Variants in RAD21 observed in about 807,000 individuals in gnomAD.
RAD21 encodes RAD21 cohesin complex component.
Under a neutral mutation model 71.5 loss-of-function variants are expected in RAD21, and 18 were observed. That is an observed-to-expected ratio of 0.25 (90% CI 0.17 to 0.37). The LOEUF is 0.37. RAD21 is among the 10% of genes least tolerant of loss of function. The pLI, the probability that RAD21 is intolerant of heterozygous loss-of-function variation, is 1.00. For missense variants in RAD21, 493 were observed against 769.1 expected (o/e 0.64, Z 4.25); for synonymous variants, 248 against 254.0 (o/e 0.98, Z 0.22).
chr8:116,855,858 T>C (rs1458263105), intron 8 of RAD21, among the ~76,000 whole-genome samples: 4 of 152,198 alleles, frequency 2.6e-5, no homozygotes, highest in African/African-American at 9.6e-5. Flanking sequence ...CCCAGGAGAC[T>C]AAGATATGCA....
chr8:116,864,619 T>C (rs771132252), intron 2 of RAD21, among the ~76,000 whole-genome samples: 2 of 152,146 alleles, frequency 1.3e-5, no homozygotes, highest in Non-Finnish European at 2.9e-5. Flanking sequence ...ACAGAATCTA[T>C]TTTTATGTGG....
intron 1 of RAD21, among the ~76,000 whole-genome samples, chr8:116,871,580 A>AG (rs1812823062): frequency 6.6e-6 from 1 of 152,206 alleles, no homozygotes; most frequent in Non-Finnish European, 1.5e-5. Context: ...TCCTCTCTGA[A>AG]GGACAATATG....
At chr8:116,866,921 A>C in intron 1 of RAD21, 160 bp from the exon 2 acceptor site, 1 of 453,852 alleles carries the variant, frequency 2.2e-6, no homozygotes, top group South Asian at 7.7e-5. Flanking sequence ...GATTTAAAAC[A>C]AATCTATTGT....
At chr8:116,857,523 T>C (rs1178376581) in intron 5 of RAD21, 50 bp from the exon 6 acceptor site, 6 of 1,463,694 alleles carry the variant, frequency 4.1e-6, no homozygotes, top group African/African-American at 1.4e-5. Flanking sequence ...GAAATAGCAC[T>C]GTGATAAAAG....
chr8:116,851,936 T>TTGC lies in RAD21; in HGVS notation c.1470+9_1470+11dup, dbSNP rs1482240007. The TTGC allele has an allele frequency of 6.2e-7, 1 of 1,601,208 alleles. No individual in the cohort carries two copies. Among genetic ancestry groups the TTGC allele is most frequent in the Non-Finnish European group, 8.5e-7 (1 of 1,170,504 alleles). ...CCTTCAAATGACTTAATGGATAGAT[T>TTGC]TGCTTACTTACAGGCATCACAGGCT... On this transcript the variant is annotated intron_variant, in intron 11 of 13. Transcript: ENST00000297338.
rs1178038788 is a variant in RAD21, at chr8:116,850,460, T to C, written c.1620+158A>G. Reference sequence around the variant, plus strand: ...GCATAAAATTTGATGTTCCTAATGATGATCAATACCACGAAGAATATGGTA... The same window carrying C: ...GCATAAAATTTGATGTTCCTAATGACGATCAATACCACGAAGAATATGGTA... On this transcript the variant is annotated intron_variant, in intron 12 of 13. Transcript: ENST00000297338. Among the ~76,000 whole-genome samples the C allele has an allele frequency of 2.6e-5, 4 of 152,246 alleles. No homozygotes were observed. In the East Asian group the frequency reaches 7.7e-4, roughly 29 times the overall value.
rs1812510651 is a variant in RAD21, at chr8:116,858,147, T to C, written c.481+205A>G. 2.0e-5 allele frequency among the ~76,000 whole-genome samples: 3 copies of C among 152,308 alleles called. No individual in the cohort carries two copies. The South Asian group carries it at 6.2e-4, about 32-fold the overall frequency. ...AATATATAGGTTCTATGATTGCATA[T>C]AGGGAGAGAAGTAGGTAAACAATTA... On this transcript the variant is annotated intron_variant, in intron 5 of 13. Transcript: ENST00000297338.
At chr8:116,865,513 C>T (rs1812671510) in intron 2 of RAD21, among the ~76,000 whole-genome samples, 1 of 152,130 alleles carries the variant, frequency 6.6e-6, no homozygotes. Flanking sequence ...CCAGAACAAA[C>T]TGTTAGTGCA....
intron 1 of RAD21, among the ~76,000 whole-genome samples, chr8:116,871,131 A>C (rs1812814267): frequency 6.6e-6 from 1 of 152,238 alleles, no homozygotes; most frequent in Admixed American, 6.5e-5. Context: ...TATCTGAATA[A>C]GGAGAAAGTG....
At chr8:116,856,075 A>T in intron 8 of RAD21, 91 bp downstream of exon 8, 1 of 1,400,494 alleles carries the variant, frequency 7.1e-7, no homozygotes, top group Non-Finnish European at 9.6e-7. Flanking sequence ...CTAGTTATCT[A>T]ATACAACAGT....
intron 10 of RAD21, 110 bp from the exon 11 acceptor site, chr8:116,852,206 AATG>A: frequency 9.5e-7 from 1 of 1,053,362 alleles, no homozygotes; most frequent in African/African-American, 1.6e-5. Context: ...TGCTTTCTTT[AATG>A]AAGAAGGCCA....
rs370284297 is a variant in RAD21 at position 116,863,078 on chromosome 8, A to T, written c.274+52T>A. On this transcript the variant is annotated intron_variant, in intron 3 of 13. Coordinates refer to ENST00000297338, the MANE Select transcript of RAD21 (RefSeq NM_006265.3). ...TAGCTACAGTAACACAAAAAACATG[A>T]GAAACTCCAAAGTAAACAACAACAA... is the stretch of plus-strand genomic sequence containing the variant. 6.7e-5 allele frequency: 104 copies of T among 1,550,098 alleles called. No homozygotes were observed. The African/African-American group carries it at 1.3e-3, about 19-fold the overall frequency.
chr8:116,858,054 C>CT (rs1226702710), intron 5 of RAD21, among the ~76,000 whole-genome samples: 1 of 152,190 alleles, frequency 6.6e-6, no homozygotes, highest in Non-Finnish European at 1.5e-5. Context: ...AACAGGGAAA[C>CT]TAACTGTTCC....
At chr8:116,870,623 T>C (rs773625675) in intron 1 of RAD21, among the ~76,000 whole-genome samples, 8 of 152,184 alleles carry the variant, frequency 5.3e-5, no homozygotes, top group Non-Finnish European at 1.2e-4. Context: ...TCTAGAGAAC[T>C]TTACAGAAAT....
At chr8:116,848,018 A>T (rs1348799) in intron 13 of RAD21, among the ~76,000 whole-genome samples, 33,202 of 152,056 alleles carry the variant, frequency 0.22, 4,453 homozygotes, top group South Asian at 0.47. Context: ...GCCTTCCACC[A>T]TGACTATAAG....
Position 116,851,936 on chromosome 8 carries a change from T to C in RAD21, c.1470+12A>G. On this transcript the variant is annotated intron_variant, in intron 11 of 13. Coordinates refer to ENST00000297338, the MANE Select transcript of RAD21 (RefSeq NM_006265.3). ...CCTTCAAATGACTTAATGGATAGAT[T>C]TGCTTACTTACAGGCATCACAGGCT... The C allele has an allele frequency of 1.9e-6, 3 of 1,601,208 alleles. No homozygotes were observed. The highest frequency in any genetic ancestry group is 2.6e-6 in the Non-Finnish European group (3 of 1,170,504).
chr8:116,859,526 C>A (rs1395065043), intron 4 of RAD21, among the ~76,000 whole-genome samples: 1 of 152,024 alleles, frequency 6.6e-6, no homozygotes, highest in African/African-American at 2.4e-5. Flanking sequence ...TAGGTGTGAA[C>A]CACTATACCT....
intron 1 of RAD21, among the ~76,000 whole-genome samples, chr8:116,868,344 T>C (rs888979166): frequency 6.6e-6 from 1 of 152,234 alleles, no homozygotes; most frequent in Non-Finnish European, 1.5e-5. Context: ...CCTTTTACTG[T>C]TGGACAGCAT....
chr8:116,866,534 C>T, intron 2 of RAD21, 52 bp downstream of exon 2: 1 of 1,531,052 alleles, frequency 6.5e-7, no homozygotes, highest in Non-Finnish European at 8.8e-7. Flanking sequence ...TTCTATTTCA[C>T]ATATCAATAA....
Sources: gnomAD v4.1 joint callset for allele counts (sites outside exome capture counted in the v4.1 genomes callset) on GRCh38, gnomAD v4.1.1 for gene constraint, MANE v1.5 for transcripts, NCBI Gene and HGNC (gene_info 2026-07-23, HGNC 2026-07-21) for gene names.